The following PLEKHH2 variants were observed in gnomAD, a reference collection of about 807,000 sequenced individuals.
PLEKHH2 encodes the protein pleckstrin homology, MyTH4 and FERM domain containing H2, also known as pleckstrin homology domain-containing family H member 2.
PLEKHH2 carries 129 observed loss-of-function variants against 187.9 expected under a neutral mutation model. The observed-to-expected ratio is 0.69, with a 90% CI of 0.59 to 0.79. The LOEUF is 0.79. Among genes scored for constraint, PLEKHH2 ranks in the 30% least tolerant of loss-of-function variants. PLEKHH2 has a pLI of 0.00. For synonymous variants in PLEKHH2, 686 were observed against 605.6 expected (o/e 1.13, Z -1.95); for missense variants, 2,076 against 1,751.2 (o/e 1.19, Z -3.31).
chr2:43,725,977 G>A (rs1460949152), intron 16 of PLEKHH2, among the ~76,000 whole-genome samples: 1 of 151,534 alleles, frequency 6.6e-6, no homozygotes, highest in African/African-American at 2.4e-5. Context: ...AATTAGCTGG[G>A]CATGGTGGCA....
chr2:43,703,916 C>CTGTT, intron 8 of PLEKHH2, 65 bp from the exon 9 acceptor site: 1 of 384,604 alleles, frequency 2.6e-6, no homozygotes, highest in South Asian at 2.2e-5. Context: ...TGAAAGTAGT[C>CTGTT]TTTTTTTTTT....
intron 2 of PLEKHH2, chr2:43,676,046 T>A (rs1667757560): frequency 6.2e-7 from 1 of 1,614,046 alleles, no homozygotes; most frequent in African/African-American, 1.3e-5. Flanking sequence ...TCACAGTGTT[T>A]GGTCCAGGTC....
chr2:43,764,134 A>G (rs1672532995), intron 28 of PLEKHH2, 94 bp from the exon 29 acceptor site: 1 of 718,660 alleles, frequency 1.4e-6, no homozygotes, highest in East Asian at 3.3e-5. Flanking sequence ...ATTGATTAAT[A>G]TCTGCCTTTT....
intron 2 of PLEKHH2, among the ~76,000 whole-genome samples, chr2:43,654,545 A>G (rs1206373234): frequency 6.8e-6 from 1 of 147,212 alleles, no homozygotes; most frequent in African/African-American, 2.5e-5. Flanking sequence ...GTAACCACTT[A>G]AAACTCTTAA....
intron 2 of PLEKHH2, among the ~76,000 whole-genome samples, chr2:43,667,218 C>T (rs921040022): frequency 6.6e-6 from 1 of 152,132 alleles, no homozygotes; most frequent in African/African-American, 2.4e-5. Flanking sequence ...AAGACTCTCT[C>T]CTCTCTCCTT....
intron 2 of PLEKHH2, among the ~76,000 whole-genome samples, chr2:43,659,567 G>C (rs933173372): frequency 6.6e-6 from 1 of 150,470 alleles, no homozygotes; most frequent in African/African-American, 2.4e-5. Context: ...GGGGTTGCAA[G>C]GCACTTTTTT....
At chr2:43,657,688 T>C (rs1233211748) in intron 2 of PLEKHH2, among the ~76,000 whole-genome samples, 1 of 152,184 alleles carries the variant, frequency 6.6e-6, no homozygotes, top group Non-Finnish European at 1.5e-5. Context: ...TATTGAGAAA[T>C]TGAATTGTTT....
chr2:43,737,767 C>G (rs1671365005), intron 19 of PLEKHH2, among the ~76,000 whole-genome samples: 1 of 152,156 alleles, frequency 6.6e-6, no homozygotes, highest in Non-Finnish European at 1.5e-5. Context: ...ATAAGCTAAT[C>G]TTAGAAATGG....
intron 1 of PLEKHH2, among the ~76,000 whole-genome samples, chr2:43,642,933 T>G (rs145481779): frequency 0.025 from 3,847 of 152,138 alleles, 78 homozygotes; most frequent in African/African-American, 0.044. Flanking sequence ...GCTAGAAGAG[T>G]ATCCCTACAT....
At chr2:43,710,918 A>G in intron 14 of PLEKHH2, 1 of 1,046,406 alleles carries the variant, frequency 9.6e-7, no homozygotes, top group Non-Finnish European at 1.1e-6. Flanking sequence ...TGTTAGTTAT[A>G]TAATGTACTG....
At chr2:43,741,301 T>C (rs554648446) in intron 21 of PLEKHH2, 1 of 264,580 alleles carries the variant, frequency 3.8e-6, no homozygotes, top group South Asian at 9.1e-5. Flanking sequence ...CATTTGCATT[T>C]CAAGTATGAA....
chr2:43,739,729 A>G (rs530508758), intron 20 of PLEKHH2, among the ~76,000 whole-genome samples: 1 of 152,334 alleles, frequency 6.6e-6, no homozygotes, highest in East Asian at 1.9e-4. Context: ...TGCCTCCAGC[A>G]GACAGTGAAT....
intron 3 of PLEKHH2, among the ~76,000 whole-genome samples, chr2:43,687,836 G>T (rs1226329907): frequency 2.6e-5 from 4 of 151,166 alleles, no homozygotes; most frequent in South Asian, 2.1e-4. Flanking sequence ...TTCCTCTGTT[G>T]CCCAGGCTGG....
chr2:43,720,999 T>G (rs576077355), intron 16 of PLEKHH2, among the ~76,000 whole-genome samples: 1 of 152,178 alleles, frequency 6.6e-6, no homozygotes, highest in Non-Finnish European at 1.5e-5. Flanking sequence ...AACAGTCTTC[T>G]TCTATTCCCT....
intron 19 of PLEKHH2, among the ~76,000 whole-genome samples, chr2:43,737,208 T>TA (rs1330936503): frequency 6.6e-6 from 1 of 152,108 alleles, no homozygotes; most frequent in Non-Finnish European, 1.5e-5. Context: ...AGAGCAAAGC[T>TA]AAAAAATGTT....
intron 2 of PLEKHH2, among the ~76,000 whole-genome samples, chr2:43,677,334 A>G (rs545048499): frequency 1.7e-4 from 26 of 152,276 alleles, no homozygotes; most frequent in African/African-American, 6.3e-4. Flanking sequence ...TCCTAGGCAG[A>G]GGACCCTTCG....
chr2:43,729,941 C>T (rs1450835408), intron 18 of PLEKHH2, among the ~76,000 whole-genome samples, 196 bp downstream of exon 18: 1 of 152,046 alleles, frequency 6.6e-6, no homozygotes, highest in African/African-American at 2.4e-5. Context: ...CCTCATTAGT[C>T]TGTGTCAGGT....
At chr2:43,728,293 A>G (rs1670868461) in intron 17 of PLEKHH2, among the ~76,000 whole-genome samples, 1 of 151,902 alleles carries the variant, frequency 6.6e-6, no homozygotes, top group African/African-American at 2.4e-5. Context: ...AGCCTGGCCA[A>G]TGTGGTGAAA....
Position 43,712,975 on chromosome 2 carries a change from A to G in PLEKHH2, c.2460+592A>G, listed in dbSNP as rs551189740. On this transcript the variant is annotated intron_variant, in intron 15 of 29. Coordinates refer to ENST00000282406, the MANE Select transcript of PLEKHH2 (RefSeq NM_172069.4). ...AAAATCTGCTAGTTTCTGCAATTAC[A>G]TAGGCAGTAGAAAAAAAAAGAAATC... 2.6e-5 allele frequency among the ~76,000 whole-genome samples: 4 copies of G among 152,276 alleles called. No individual in the cohort carries two copies. The South Asian group carries it at 8.3e-4, about 32-fold the overall frequency.
Sources: allele counts gnomAD v4.1 joint callset (sites outside exome capture counted in the v4.1 genomes callset), GRCh38; gene constraint gnomAD v4.1.1; transcripts MANE v1.5; gene names NCBI Gene and HGNC (gene_info 2026-07-23, HGNC 2026-07-21).